GALNT17: variants seen among roughly 807,000 people sequenced by gnomAD.
GALNT17 encodes polypeptide N-acetylgalactosaminyltransferase 17.
A neutral mutation model predicts 63.7 loss-of-function variants in GALNT17; 29 were observed. That is an observed-to-expected ratio of 0.46 (90% confidence interval 0.34 to 0.62). GALNT17 has a LOEUF of 0.62. GALNT17 is among the 20% of genes least tolerant of loss of function. GALNT17 has a pLI of 0.01. For missense variants in GALNT17, 603 were observed against 799.6 expected, an observed-to-expected ratio of 0.75 and a Z score of 2.97; for synonymous variants, 305 against 318.3, an observed-to-expected ratio of 0.96 and a Z score of 0.45.
intron 6 of GALNT17, among the ~76,000 whole-genome samples, chr7:71,625,353 C>A (rs1790356493): frequency 1.3e-5 from 2 of 152,100 alleles, no homozygotes; most frequent in Admixed American, 1.3e-4. Flanking sequence ...ACTATGTTGG[C>A]CAGGCTGGTC....
chr7:71,391,242 C>T (rs1012986262), intron 3 of GALNT17, among the ~76,000 whole-genome samples: 2 of 152,112 alleles, frequency 1.3e-5, no homozygotes, highest in African/African-American at 4.8e-5. Flanking sequence ...AACTGCAGAT[C>T]GGGCTGGATT....
At chr7:71,200,304 G>T (rs1395728126) in intron 1 of GALNT17, among the ~76,000 whole-genome samples, 1 of 152,148 alleles carries the variant, frequency 6.6e-6, no homozygotes, top group Non-Finnish European at 1.5e-5. Context: ...TATTGATGGA[G>T]CATCTGCTCT....
At chr7:71,476,347 G>A (rs1438678681) in intron 5 of GALNT17, among the ~76,000 whole-genome samples, 1 of 152,214 alleles carries the variant, frequency 6.6e-6, no homozygotes, top group Admixed American at 6.5e-5. Context: ...CTGTGGAGAT[G>A]CAAACAGCAT....
chr7:71,516,233 A>G (rs1788443254), intron 5 of GALNT17, among the ~76,000 whole-genome samples: 1 of 152,104 alleles, frequency 6.6e-6, no homozygotes, highest in African/African-American at 2.4e-5. Context: ...GCAGCTTTCC[A>G]TTTAGGAAAA....
chr7:71,156,009 C>T (rs1231811282), intron 1 of GALNT17, among the ~76,000 whole-genome samples: 2 of 151,812 alleles, frequency 1.3e-5, no homozygotes, highest in Non-Finnish European at 2.9e-5. Context: ...CCAGCTTGTC[C>T]AACATGGAGA....
intron 9 of GALNT17, among the ~76,000 whole-genome samples, chr7:71,695,152 A>G (rs66607314): frequency 0.089 from 13,534 of 152,152 alleles, 1,758 homozygotes; most frequent in East Asian, 0.65. Flanking sequence ...TCTCTCACCC[A>G]GCTCTTCCAG....
intron 1 of GALNT17, among the ~76,000 whole-genome samples, chr7:71,178,856 T>G (rs182922292): frequency 1.4e-3 from 220 of 152,326 alleles, no homozygotes; most frequent in African/African-American, 5.2e-3. Context: ...TGGATCATCC[T>G]TGGGTTGATT....
chr7:71,388,909 A>G (rs1793001189), intron 3 of GALNT17, among the ~76,000 whole-genome samples: 1 of 152,120 alleles, frequency 6.6e-6, no homozygotes, highest in South Asian at 2.1e-4. Flanking sequence ...CCCCAACCCC[A>G]GGGCCATGGA....
intron 1 of GALNT17, among the ~76,000 whole-genome samples, chr7:71,137,104 G>C (rs1787798013): frequency 7.4e-6 from 1 of 136,014 alleles, no homozygotes; most frequent in Admixed American, 8.2e-5. Flanking sequence ...ACAGCGCCTT[G>C]ATAGGCCTTT....
At chr7:71,487,936 G>A (rs377407093) in intron 5 of GALNT17, among the ~76,000 whole-genome samples, 32 of 152,186 alleles carry the variant, frequency 2.1e-4, no homozygotes, top group African/African-American at 6.5e-4. Flanking sequence ...AGGAGGCTGG[G>A]GCAGGAGGAT....
At chr7:71,417,820 C>T (rs1346173059) in intron 4 of GALNT17, among the ~76,000 whole-genome samples, 3 of 152,274 alleles carry the variant, frequency 2.0e-5, no homozygotes, top group South Asian at 2.1e-4. Flanking sequence ...GACACATGTC[C>T]CTTTCCCTTG....
intron 9 of GALNT17, among the ~76,000 whole-genome samples, chr7:71,681,716 G>A (rs1289531455): frequency 3.3e-5 from 5 of 152,150 alleles, no homozygotes; most frequent in African/African-American, 4.8e-5. Flanking sequence ...TTTGAATGGC[G>A]CACTTATTAA....
intron 1 of GALNT17, among the ~76,000 whole-genome samples, chr7:71,193,646 A>G (rs946851557): frequency 1.3e-5 from 2 of 151,834 alleles, no homozygotes; most frequent in African/African-American, 2.4e-5. Context: ...TTCCTGCCAT[A>G]TGGCTGATTC....
intron 1 of GALNT17, among the ~76,000 whole-genome samples, chr7:71,283,152 C>T (rs999808739): frequency 3.5e-5 from 1 of 28,820 alleles, no homozygotes; most frequent in Admixed American, 3.0e-4. Context: ...CTGCCTCAGC[C>T]CCCCCCAAGT....
chr7:71,526,429 G>A lies in GALNT17; in HGVS notation c.963-44856G>A, dbSNP rs147000072. On this transcript the variant is annotated intron_variant, in intron 5 of 10. Transcript: ENST00000333538. ...CTTTTGCAAAACGGCACCGTCCCAT[G>A]CTCTCTGCATTTCCAGACGCCAGTC... 2.8e-3 allele frequency among the ~76,000 whole-genome samples: 430 copies of A among 152,294 alleles called. 2 individuals carry two copies. The highest frequency in any genetic ancestry group is 9.9e-3 in the African/African-American group (412 of 41,568).
intron 1 of GALNT17, among the ~76,000 whole-genome samples, chr7:71,314,810 G>C (rs1186956530): frequency 2.0e-5 from 3 of 152,110 alleles, no homozygotes; most frequent in Non-Finnish European, 2.9e-5. Flanking sequence ...GGAGGCTGAG[G>C]TGGGAGGATC....
intron 5 of GALNT17, among the ~76,000 whole-genome samples, chr7:71,503,768 T>C (rs917676614): frequency 4.6e-5 from 7 of 152,174 alleles, no homozygotes; most frequent in Admixed American, 4.6e-4. Context: ...GCTTTTATTC[T>C]AGGTACTTAG....
At chr7:71,535,797 A>G (rs1255804468) in intron 5 of GALNT17, among the ~76,000 whole-genome samples, 1 of 152,210 alleles carries the variant, frequency 6.6e-6, no homozygotes, top group African/African-American at 2.4e-5. Context: ...TTCTGGGCCA[A>G]GTGTCAAGAT....
rs575395276 is a variant in GALNT17 at position 71,665,590 on chromosome 7, G to C, written c.1260G>C (p.Pro420=). The part of the protein sequence containing the change: ...KSHVYIAWNL[P]LENPGIDIGD... The stretch of plus-strand genomic sequence containing the variant: ...ATGTGTACATAGCGTGGAACCTGCC[G>C]CTGGAGGTAGGGATCACCAGCCTTT... Residue 420 remains proline, a synonymous_variant, in exon 7 of 11, where the codon CCG becomes CCC. Transcript: ENST00000333538. 9.3e-6 allele frequency: 15 copies of C among 1,612,380 alleles called. No individual in the cohort carries two copies. The highest frequency in any genetic ancestry group is 1.7e-4 in the Middle Eastern group (1 of 6,030).
Sources: allele counts gnomAD v4.1 joint callset (sites outside exome capture counted in the v4.1 genomes callset), GRCh38; gene constraint gnomAD v4.1.1; transcripts MANE v1.5; gene names NCBI Gene and HGNC (gene_info 2026-07-23, HGNC 2026-07-21).